Variants in RAD51B observed in about 807,000 individuals in gnomAD.
The protein encoded by RAD51B is DNA repair protein RAD51 homolog 2.
RAD51B carries 38 observed loss-of-function variants against 42.2 expected under a neutral mutation model. The ratio of observed to expected loss-of-function variants is 0.90; its 90% CI spans 0.70 to 1.18. RAD51B has a LOEUF of 1.18. Among genes scored for constraint, RAD51B ranks in the 50% most tolerant of loss-of-function variants. RAD51B has a pLI of 0.00. For missense variants in RAD51B, 373 were observed against 400.7 expected, an observed-to-expected ratio of 0.93 and a Z score of 0.59; for synonymous variants, 154 against 145.2, an observed-to-expected ratio of 1.06 and a Z score of -0.43.
At chr14:68,074,211 CTT>C (rs2140474466) in intron 7 of RAD51B, among the ~76,000 whole-genome samples, 1 of 152,222 alleles carries the variant, frequency 6.6e-6, no homozygotes, top group Non-Finnish European at 1.5e-5. Context: ...TTCACAGAGA[CTT>C]TGTTCAGTTT....
chr14:68,564,425 C>T lies in RAD51B; in HGVS notation c.1037-30060C>T, dbSNP rs565264020. 5.9e-5 allele frequency among the ~76,000 whole-genome samples: 9 copies of T among 152,294 alleles called. No individual in the cohort carries two copies. The South Asian group carries it at 1.5e-3, about 25-fold the overall frequency. On this transcript the variant is annotated intron_variant, in intron 10 of 10. Transcript: ENST00000487270. The stretch of plus-strand genomic sequence containing the variant: ...TGTGGTGCTTTCTGTTAACGAGAGG[C>T]CACTGAAGCTGGGCGATGCCTCCCA...
At chr14:68,354,946 T>C (rs1168270600) in intron 8 of RAD51B, among the ~76,000 whole-genome samples, 1 of 152,144 alleles carries the variant, frequency 6.6e-6, no homozygotes, top group Non-Finnish European at 1.5e-5. Context: ...CGATTTCCCT[T>C]TCTGTGAAAT....
intron 9 of RAD51B, among the ~76,000 whole-genome samples, chr14:68,417,417 T>A (rs2084588852): frequency 6.6e-6 from 1 of 152,152 alleles, no homozygotes. Flanking sequence ...GGTATAAATG[T>A]CTCCTCCCTT....
At chr14:68,369,650 C>T (rs1045708270) in intron 8 of RAD51B, among the ~76,000 whole-genome samples, 17 of 152,178 alleles carry the variant, frequency 1.1e-4, no homozygotes, top group Admixed American at 9.2e-4. Flanking sequence ...TTCACTTTCC[C>T]TATCGATACT....
chr14:68,326,708 A>G (rs1278145594), intron 8 of RAD51B, among the ~76,000 whole-genome samples: 1 of 152,242 alleles, frequency 6.6e-6, no homozygotes, highest in Non-Finnish European at 1.5e-5. Context: ...AACTTTTTCT[A>G]TAACCTAATT....
intron 10 of RAD51B, among the ~76,000 whole-genome samples, chr14:68,490,770 G>A (rs1884004391): frequency 6.6e-6 from 1 of 152,138 alleles, no homozygotes; most frequent in African/African-American, 2.4e-5. Flanking sequence ...GAGAGGGGAA[G>A]GGTGGAGAGC....
intron 9 of RAD51B, among the ~76,000 whole-genome samples, chr14:68,457,501 T>C (rs567322670): frequency 6.6e-6 from 1 of 152,342 alleles, no homozygotes; most frequent in Non-Finnish European, 1.5e-5. Flanking sequence ...GTAGAAAGAA[T>C]TGGTGGCCCA....
chr14:67,891,558 A>G (rs929301414), intron 7 of RAD51B, among the ~76,000 whole-genome samples: 10 of 152,130 alleles, frequency 6.6e-5, no homozygotes, highest in African/African-American at 1.9e-4. Context: ...AAGTGGACAT[A>G]TAACAAGGTT....
chr14:68,645,817 T>C (rs1012630432), intron 10 of RAD51B, among the ~76,000 whole-genome samples: 1 of 152,206 alleles, frequency 6.6e-6, no homozygotes, highest in Non-Finnish European at 1.5e-5. Context: ...AGGATTTTTT[T>C]CTTTCAATAT....
intron 9 of RAD51B, among the ~76,000 whole-genome samples, chr14:68,412,922 A>G (rs1443589768): frequency 9.2e-5 from 14 of 152,212 alleles, no homozygotes; most frequent in Admixed American, 9.2e-4. Context: ...AGAGGAAGCA[A>G]AATTCCTTGT....
At chr14:68,062,305 A>T (rs2076579569) in intron 7 of RAD51B, among the ~76,000 whole-genome samples, 2 of 152,054 alleles carry the variant, frequency 1.3e-5, no homozygotes, top group Admixed American at 1.3e-4. Context: ...TTAGTGTTTT[A>T]TTGAGGATTT....
Position 68,081,905 on chromosome 14 carries a change from A to AT in RAD51B, c.756+194710dup, listed in dbSNP as rs370199018. On this transcript the variant is annotated intron_variant, in intron 7 of 10. Coordinates refer to ENST00000471583, the MANE Select transcript of RAD51B (RefSeq NM_133510.4). The stretch of plus-strand genomic sequence containing the variant: ...CTGAGTTATAGAGTGATAAATACTT[A>AT]TTTTTTTTTCCTAACAATTATGTGA... Among the ~76,000 whole-genome samples the AT allele has an allele frequency of 5.9e-5, 9 of 151,640 alleles. No individual in the cohort carries two copies. The South Asian group carries it at 1.0e-3, about 18-fold the overall frequency.
At chr14:67,851,394 A>G (rs565446540) in intron 4 of RAD51B, among the ~76,000 whole-genome samples, 3 of 152,062 alleles carry the variant, frequency 2.0e-5, no homozygotes, top group Admixed American at 6.6e-5. Flanking sequence ...TCACAGGTCT[A>G]TGGGGGTAAG....
At chr14:68,105,635 T>C (rs1431281883) in intron 7 of RAD51B, among the ~76,000 whole-genome samples, 2 of 152,002 alleles carry the variant, frequency 1.3e-5, no homozygotes, top group Non-Finnish European at 2.9e-5. Flanking sequence ...GACTTTCAAA[T>C]TATTGTAAAA....
intron 7 of RAD51B, among the ~76,000 whole-genome samples, chr14:68,022,558 G>A (rs2075883993): frequency 6.6e-6 from 1 of 151,732 alleles, no homozygotes; most frequent in South Asian, 2.1e-4. Context: ...GTGTGAGATG[G>A]TATCTCATTG....
chr14:67,840,070 G>C (rs10130919), intron 4 of RAD51B, among the ~76,000 whole-genome samples: 50,556 of 151,970 alleles, frequency 0.33, 8,813 homozygotes, highest in Middle Eastern at 0.45. Flanking sequence ...AATATGTGAT[G>C]AACTTTGATA....
At chr14:67,913,113 A>G (rs1259484198) in intron 7 of RAD51B, among the ~76,000 whole-genome samples, 1 of 152,206 alleles carries the variant, frequency 6.6e-6, no homozygotes, top group African/African-American at 2.4e-5. Flanking sequence ...TCATATTCTT[A>G]CATTTCATCA....
intron 10 of RAD51B, among the ~76,000 whole-genome samples, chr14:68,475,109 T>C (rs1332637402): frequency 6.6e-6 from 1 of 152,120 alleles, no homozygotes; most frequent in Admixed American, 6.5e-5. Context: ...GCATCCCCCA[T>C]CCCTTAAGGA....
At chr14:67,907,122 C>G (rs2043805321) in intron 7 of RAD51B, among the ~76,000 whole-genome samples, 1 of 151,958 alleles carries the variant, frequency 6.6e-6, no homozygotes, top group African/African-American at 2.4e-5. Flanking sequence ...GATCTTCTCT[C>G]TTTTACTTAT....
Sources: gnomAD v4.1 joint callset for allele counts (sites outside exome capture counted in the v4.1 genomes callset) on GRCh38, gnomAD v4.1.1 for gene constraint, MANE v1.5 for transcripts, NCBI Gene and HGNC (gene_info 2026-07-23, HGNC 2026-07-21) for gene names.